Variants in LRCH1 observed in about 807,000 individuals in gnomAD.
LRCH1 encodes leucine-rich repeat and calponin homology domain-containing protein 1.
In LRCH1, 23 loss-of-function variants were observed where a neutral mutation model predicts 94.9. The ratio of observed to expected loss-of-function variants is 0.24; its 90% CI spans 0.17 to 0.34. LRCH1 has a LOEUF of 0.34. Ranked by LOEUF, LRCH1 falls within the 10% of genes least tolerant of loss-of-function variation. The probability of loss-of-function intolerance (pLI) is 1.00; values close to 1 mark genes in which losing one functional copy is unlikely to be tolerated. For missense variants in LRCH1, 790 were observed against 945.9 expected (o/e 0.84, Z 2.16); for synonymous variants, 364 against 354.9 (o/e 1.03, Z -0.29).
At chr13:46,727,549 CTG>C (rs1456033493) in intron 17 of LRCH1, among the ~76,000 whole-genome samples, 3 of 152,180 alleles carry the variant, frequency 2.0e-5, no homozygotes, top group African/African-American at 7.2e-5. Flanking sequence ...ATCATCCAGG[CTG>C]GAGAGCAGTG....
chr13:46,634,751 T>A (rs1026267209), intron 1 of LRCH1, among the ~76,000 whole-genome samples: 1 of 152,250 alleles, frequency 6.6e-6, no homozygotes, highest in Non-Finnish European at 1.5e-5. Flanking sequence ...TGAGTCTTAT[T>A]TATGTCTGTC....
rs1472809607 is a variant in LRCH1, at chr13:46,741,653, C to T, written c.2097C>T (p.Cys699=). ...RKLGVPEADL[C]SPCDILQLDF... ...TGCCCTCGGAATAGGCTGACCTCTG[C>T]TCTCCGTGTGACATCCTGCAGTTGG... The change falls in exon 20 of 20, where the codon TGC becomes TGT. Residue 699 remains cysteine, a synonymous_variant. Transcript: ENST00000389797. The T allele has an allele frequency of 1.4e-5, 22 of 1,614,076 alleles. No homozygotes were observed. The highest frequency in any genetic ancestry group is 1.8e-5 in the Non-Finnish European group (21 of 1,180,014).
chr13:46,743,418 A>C lies in LRCH1; in HGVS notation c.*1570A>C. On this transcript the variant is annotated 3_prime_UTR_variant, in exon 20 of 20. Coordinates refer to ENST00000389797, the MANE Select transcript of LRCH1 (RefSeq NM_001164211.2). ...GACTTTGTGTTGATTGGTGAAATGC[A>C]GGGTATGTGGAAGTTATCTAATTAA... The C allele has an allele frequency of 1.0e-6, 1 of 985,850 alleles. No individual in the cohort carries two copies. The highest frequency in any genetic ancestry group is 5.2e-4 in the Middle Eastern group (1 of 1,914). The allele number at this position is 985,850 out of a possible 1,614,324, so 61.1% of individuals were successfully genotyped here.
chr13:46,617,782 G>A (rs9534438), intron 1 of LRCH1, among the ~76,000 whole-genome samples: 8,190 of 152,246 alleles, frequency 0.054, 334 homozygotes, highest in East Asian at 0.18. Context: ...TGTTCCTGAA[G>A]GACAATAAAA....
intron 15 of LRCH1, 31 bp from the exon 16 acceptor site, chr13:46,715,529 T>C: frequency 7.6e-7 from 1 of 1,310,820 alleles, no homozygotes. Flanking sequence ...TGTGCAACTG[T>C]ACGCGGACTG....
intron 2 of LRCH1, among the ~76,000 whole-genome samples, chr13:46,664,667 A>T (rs1396706049): frequency 6.6e-6 from 1 of 152,212 alleles, no homozygotes; most frequent in African/African-American, 2.4e-5. Context: ...CGAGCTGAGC[A>T]CACCTATGCT....
chr13:46,703,476 G>T (rs1473261328), intron 11 of LRCH1, among the ~76,000 whole-genome samples: 1 of 152,160 alleles, frequency 6.6e-6, no homozygotes, highest in Non-Finnish European at 1.5e-5. Flanking sequence ...AAGTAACTTA[G>T]TATGTAACCA....
intron 1 of LRCH1, 133 bp downstream of exon 1, chr13:46,553,836 G>A: frequency 6.7e-7 from 1 of 1,495,532 alleles, no homozygotes; most frequent in Non-Finnish European, 9.0e-7. Flanking sequence ...GTTGTCTCCC[G>A]AAGAAGGGAC....
rs575828544 is a variant in LRCH1, at chr13:46,588,277, A to G, written c.307+34574A>G. On this transcript the variant is annotated intron_variant, in intron 1 of 19. Coordinates refer to ENST00000389797, the MANE Select transcript of LRCH1 (RefSeq NM_001164211.2). ...TAGATTATAGTAGAAAACCCCTACA[A>G]ATCTGAGATACTGAAAGTGGTAGCC... Among the ~76,000 whole-genome samples the G allele has an allele frequency of 2.8e-4, 43 of 152,360 alleles. No individual in the cohort carries two copies. The South Asian group carries it at 8.9e-3, about 32-fold the overall frequency.
chr13:46,569,827 A>C (rs1391272336), intron 1 of LRCH1, among the ~76,000 whole-genome samples: 1 of 152,098 alleles, frequency 6.6e-6, no homozygotes, highest in African/African-American at 2.4e-5. Context: ...TGCACTTGCC[A>C]AATAAAATAA....
intron 8 of LRCH1, among the ~76,000 whole-genome samples, 196 bp from the exon 9 acceptor site, chr13:46,694,697 A>T (rs1297667006): frequency 6.6e-6 from 1 of 152,172 alleles, no homozygotes; most frequent in East Asian, 1.9e-4. Context: ...TTTTAAGCTC[A>T]GTTTGGGGCT....
At chr13:46,594,163 A>G (rs1016333883) in intron 1 of LRCH1, among the ~76,000 whole-genome samples, 1 of 152,096 alleles carries the variant, frequency 6.6e-6, no homozygotes, top group Non-Finnish European at 1.5e-5. Context: ...AGTCCCGAAA[A>G]CAAGTCAAGA....
chr13:46,644,453 C>T (rs1349333518), intron 1 of LRCH1, among the ~76,000 whole-genome samples: 1 of 152,082 alleles, frequency 6.6e-6, no homozygotes, highest in Non-Finnish European at 1.5e-5. Context: ...CCTTAGTGTA[C>T]GTTGAGGATG....
chr13:46,575,727 A>G (rs1288428374), intron 1 of LRCH1, among the ~76,000 whole-genome samples: 2 of 152,196 alleles, frequency 1.3e-5, no homozygotes. Context: ...TTTAAATGGA[A>G]TTGAATGATA....
chr13:46,625,195 T>A (rs1055163017), intron 1 of LRCH1, among the ~76,000 whole-genome samples: 1 of 152,248 alleles, frequency 6.6e-6, no homozygotes, highest in African/African-American at 2.4e-5. Flanking sequence ...CTTTCCCGAC[T>A]CCCTCAGTCC....
In LRCH1 at chr13:46,727,225, G is replaced by A. The variant is rs146459180; in HGVS notation, c.1870-1622G>A. 5.3e-5 allele frequency among the ~76,000 whole-genome samples: 8 copies of A among 152,270 alleles called. No individual in the cohort carries two copies. In the East Asian group the frequency reaches 1.2e-3, roughly 22 times the overall value. ...ATGGAAATTGGGAGCTGAAAAATAC[G>A]TTATTCATAACAAAAAGCCCAGTGG... On this transcript the variant is annotated intron_variant, in intron 17 of 19. Coordinates refer to ENST00000389797, the MANE Select transcript of LRCH1 (RefSeq NM_001164211.2).
At chr13:46,733,428 A>G (rs1873211257) in intron 18 of LRCH1, among the ~76,000 whole-genome samples, 1 of 152,098 alleles carries the variant, frequency 6.6e-6, no homozygotes, top group Admixed American at 6.5e-5. Flanking sequence ...TAGACCCTTT[A>G]TATAGGAATA....
intron 2 of LRCH1, among the ~76,000 whole-genome samples, chr13:46,663,707 C>T (rs890310535): frequency 7.9e-5 from 12 of 152,132 alleles, no homozygotes; most frequent in African/African-American, 2.7e-4. Flanking sequence ...TACTGTAGGT[C>T]GAGTGCCAAG....
intron 1 of LRCH1, among the ~76,000 whole-genome samples, chr13:46,560,148 T>C (rs1255146956): frequency 6.7e-6 from 1 of 150,152 alleles, no homozygotes; most frequent in African/African-American, 2.4e-5. Context: ...CCCATATATA[T>C]AGACTTTTTA....
Sources: gnomAD v4.1 joint callset for allele counts (sites outside exome capture counted in the v4.1 genomes callset) on GRCh38, gnomAD v4.1.1 for gene constraint, MANE v1.5 for transcripts, NCBI Gene and HGNC (gene_info 2026-07-23, HGNC 2026-07-21) for gene names.